Variants in POPDC3 observed in about 807,000 individuals in gnomAD.
POPDC3 encodes popeye domain cAMP effector 3, also known as popeye domain-containing protein 3.
In POPDC3, 20 loss-of-function variants were observed where a neutral mutation model predicts 28.2. That is an observed-to-expected ratio of 0.71 (90% CI 0.50 to 1.03). POPDC3 has a LOEUF of 1.03. Ranked by LOEUF, POPDC3 falls within the 50% of genes least tolerant of loss-of-function variation. The probability of loss-of-function intolerance (pLI) is 0.00; values close to 1 mark genes in which losing one functional copy is unlikely to be tolerated. For synonymous variants in POPDC3, 118 were observed against 124.1 expected (o/e 0.95, Z 0.33); for missense variants, 316 against 345.9 (o/e 0.91, Z 0.69).
intron 1 of POPDC3, chr6:105,168,677 G>A (rs1434658069): frequency 2.0e-5 from 3 of 152,214 alleles, no homozygotes; most frequent in Non-Finnish European, 4.4e-5. Flanking sequence ...CCTTGATTAG[G>A]TAACATTATA....
At chr6:105,179,237 C>T (rs1406798203) in intron 1 of POPDC3, 11 of 985,248 alleles carry the variant, frequency 1.1e-5, no homozygotes, top group Non-Finnish European at 1.3e-5. Flanking sequence ...ATGGAGAAAA[C>T]AGGTCCGCGC....
At chr6:105,175,834 C>T (rs1334875521) in intron 1 of POPDC3, among the ~76,000 whole-genome samples, 1 of 151,502 alleles carries the variant, frequency 6.6e-6, no homozygotes, top group Non-Finnish European at 1.5e-5. Context: ...CAGAGTGAGA[C>T]TCTGTCTCAA....
intron 1 of POPDC3, chr6:105,179,174 G>C (rs1186414724): frequency 1.0e-6 from 1 of 985,442 alleles, no homozygotes; most frequent in African/African-American, 1.7e-5. Flanking sequence ...CCGACATGGT[G>C]ATAAGACAAT....
chr6:105,158,070 ATG>A lies in POPDC3; in HGVS notation c.*398_*399del, dbSNP rs1774223421. 6.6e-6 allele frequency among the ~76,000 whole-genome samples: 1 copy of A among 152,218 alleles called. No individual in the cohort carries two copies. Among genetic ancestry groups the A allele is most frequent in the African/African-American group, 2.4e-5 (1 of 41,464 alleles). On this transcript the variant is annotated 3_prime_UTR_variant, in exon 4 of 4. Transcript: ENST00000254765. ...AAAAAAGTGAATTCCGGAAATGCCT[ATG>A]TGGACAGTAGCAACCCACCCTCAGG...
chr6:105,176,372 C>T (rs971597501), intron 1 of POPDC3, among the ~76,000 whole-genome samples: 3 of 151,992 alleles, frequency 2.0e-5, no homozygotes, highest in Non-Finnish European at 4.4e-5. Flanking sequence ...ATGAGCTGGC[C>T]GCCTGTGATT....
intron 1 of POPDC3, among the ~76,000 whole-genome samples, chr6:105,171,126 G>A (rs1226742999): frequency 6.6e-6 from 1 of 152,146 alleles, no homozygotes; most frequent in African/African-American, 2.4e-5. Context: ...GTATGTGTTT[G>A]CATTTTGCAT....
At chr6:105,166,800 C>A in intron 1 of POPDC3, 1 of 328,672 alleles carries the variant, frequency 3.0e-6, no homozygotes, top group Non-Finnish European at 6.3e-6. Flanking sequence ...CTTTTTAAAG[C>A]ATCACAATTT....
At chr6:105,173,121 A>G (rs1429823364) in intron 1 of POPDC3, among the ~76,000 whole-genome samples, 1 of 152,250 alleles carries the variant, frequency 6.6e-6, no homozygotes, top group Non-Finnish European at 1.5e-5. Flanking sequence ...TAGAATCATT[A>G]TCTTAAATTT....
chr6:105,160,086 G>A (rs947547950), intron 2 of POPDC3: 3 of 266,522 alleles, frequency 1.1e-5, no homozygotes, highest in African/African-American at 6.6e-5. Context: ...ATTTATATAT[G>A]TCCATTTATG....
intron 1 of POPDC3, among the ~76,000 whole-genome samples, chr6:105,173,754 G>A (rs1039338220): frequency 6.6e-6 from 1 of 151,826 alleles, no homozygotes; most frequent in East Asian, 1.9e-4. Flanking sequence ...ATTAAAACAA[G>A]ATAACAATCA....
At position 105,161,854 on chromosome 6, in the gene POPDC3, G is replaced by C; in HGVS notation, c.56C>G (p.Thr19Arg). 6.2e-7 allele frequency: 1 copy of C among 1,613,732 alleles called. No individual in the cohort carries two copies. The highest frequency in any genetic ancestry group is 8.5e-7 in the Non-Finnish European group (1 of 1,179,892). The change falls in exon 2 of 4, where the codon ACA becomes AGA. Residue 19 changes from threonine (T) to arginine (R), a missense_variant. By Grantham distance (71) the Thr-to-Arg change is moderately conservative. Coordinates refer to ENST00000254765, the MANE Select transcript of POPDC3 (RefSeq NM_022361.5). ...KNLIDEHPVC[T>R]TWKQEAEGAI... ...TCCTTCGGCCTCTTGCTTCCAGGTT[G>C]TGCAGACTGGGTGTTCATCTATTAG...
intron 1 of POPDC3, among the ~76,000 whole-genome samples, chr6:105,176,444 C>T (rs1417985076): frequency 6.6e-6 from 1 of 152,182 alleles, no homozygotes; most frequent in East Asian, 1.9e-4. Context: ...CGTTTATGTA[C>T]AAAGTTAGTT....
intron 2 of POPDC3, chr6:105,160,258 G>A (rs1006075966): frequency 3.3e-5 from 5 of 153,696 alleles, no homozygotes; most frequent in Non-Finnish European, 5.8e-5. Context: ...GTCGCCCAGC[G>A]TGGAGTGCAG....
intron 1 of POPDC3, chr6:105,169,886 G>A (rs923404): frequency 0.82 from 124,727 of 152,188 alleles, 51,891 homozygotes; most frequent in Non-Finnish European, 0.88. Flanking sequence ...CTTTACCACC[G>A]AAATATCCTG....
chr6:105,177,880 T>A (rs1024134418), intron 1 of POPDC3, among the ~76,000 whole-genome samples: 1 of 152,226 alleles, frequency 6.6e-6, no homozygotes, highest in African/African-American at 2.4e-5. Flanking sequence ...ATTCTCTGGG[T>A]TGGAGGAGGA....
At chr6:105,171,583 A>G (rs1774578251) in intron 1 of POPDC3, among the ~76,000 whole-genome samples, 1 of 151,986 alleles carries the variant, frequency 6.6e-6, no homozygotes, top group East Asian at 1.9e-4. Context: ...AGGCAGGAGA[A>G]CCACTTGAGC....
intron 1 of POPDC3, among the ~76,000 whole-genome samples, chr6:105,177,641 T>A (rs548096197): frequency 2.6e-5 from 4 of 152,334 alleles, no homozygotes; most frequent in Non-Finnish European, 5.9e-5. Flanking sequence ...CTCTGAAACC[T>A]ACATACTATT....
At chr6:105,173,332 T>A (rs551572174) in intron 1 of POPDC3, among the ~76,000 whole-genome samples, 2 of 152,340 alleles carry the variant, frequency 1.3e-5, no homozygotes, top group East Asian at 3.9e-4. Context: ...ATTTTCTTTA[T>A]AACATAGAGG....
chr6:105,168,081 G>T (rs1774495414), intron 1 of POPDC3, among the ~76,000 whole-genome samples: 2 of 152,194 alleles, frequency 1.3e-5, no homozygotes, highest in Admixed American at 1.3e-4. Context: ...AAATGGTATT[G>T]GTTACAACAT....
Sources: allele counts gnomAD v4.1 joint callset (sites outside exome capture counted in the v4.1 genomes callset), GRCh38; gene constraint gnomAD v4.1.1; transcripts MANE v1.5; gene names NCBI Gene and HGNC (gene_info 2026-07-23, HGNC 2026-07-21).